The following NME7 variants were observed in gnomAD, a reference collection of about 807,000 sequenced individuals.
The protein encoded by NME7 is NME/NM23 family member 7.
In NME7, 41 loss-of-function variants were observed where a neutral mutation model predicts 49.1. That is an observed-to-expected ratio of 0.83 (90% CI 0.65 to 1.08). The LOEUF is 1.08. Ranked by LOEUF, NME7 falls within the 50% of genes least tolerant of loss-of-function variation. The probability of loss-of-function intolerance (pLI) is 0.00; values close to 1 mark genes in which losing one functional copy is unlikely to be tolerated. For synonymous variants in NME7, 139 were observed against 150.6 expected (o/e 0.92, Z 0.56); for missense variants, 423 against 463.4 (o/e 0.91, Z 0.80).
intron 7 of NME7, among the ~76,000 whole-genome samples, chr1:169,246,220 C>T (rs1295377843): frequency 4.6e-5 from 7 of 152,058 alleles, no homozygotes; most frequent in African/African-American, 1.4e-4. Flanking sequence ...GTGGGAGGAT[C>T]ACTAGGGCTC....
chr1:169,227,234 T>C (rs1647382163), intron 10 of NME7, among the ~76,000 whole-genome samples: 1 of 152,216 alleles, frequency 6.6e-6, no homozygotes, highest in African/African-American at 2.4e-5. Flanking sequence ...TTCCTTGCGC[T>C]GAACATTAGT....
At chr1:169,308,842 T>G (rs2300158) in intron 4 of NME7, among the ~76,000 whole-genome samples, 85,478 of 151,812 alleles carry the variant, frequency 0.56, 24,405 homozygotes, top group Admixed American at 0.6. Flanking sequence ...AAACAGGTTG[T>G]ACTGCTTGTT....
intron 1 of NME7, among the ~76,000 whole-genome samples, chr1:169,354,245 C>T (rs1378561391): frequency 6.6e-6 from 1 of 152,034 alleles, no homozygotes; most frequent in Non-Finnish European, 1.5e-5. Context: ...TTTGCAAAAA[C>T]ATAATGGAAT....
chr1:169,332,176 C>T (rs963376279), intron 1 of NME7, among the ~76,000 whole-genome samples: 5 of 151,902 alleles, frequency 3.3e-5, no homozygotes, highest in Non-Finnish European at 2.9e-5. Context: ...ACACCTACAG[C>T]GAACCCATTT....
intron 7 of NME7, among the ~76,000 whole-genome samples, chr1:169,253,612 G>T (rs921126510): frequency 6.6e-6 from 1 of 152,144 alleles, no homozygotes; most frequent in African/African-American, 2.4e-5. Context: ...GAATAGGAGT[G>T]GTGAGAGAGG....
At chr1:169,334,300 G>C (rs1311783707) in intron 1 of NME7, among the ~76,000 whole-genome samples, 1 of 152,046 alleles carries the variant, frequency 6.6e-6, no homozygotes, top group Non-Finnish European at 1.5e-5. Context: ...CACCTTGAAT[G>C]ACATTATAAT....
intron 10 of NME7, among the ~76,000 whole-genome samples, chr1:169,179,126 C>A (rs1464015290): frequency 6.6e-6 from 1 of 152,108 alleles, no homozygotes; most frequent in African/African-American, 2.4e-5. Flanking sequence ...TGGCCTAAAA[C>A]CTCTTGTATA....
Position 169,323,100 on chromosome 1 carries a change from T to G in NME7, c.278+17A>C. ...AAAGTTAGAGCATGTAAAAAGATTA[T>G]ATAATTGTTTTCTTACTTTTCTTTC... On this transcript the variant is annotated intron_variant, in intron 3 of 11. Coordinates refer to ENST00000367811, the MANE Select transcript of NME7 (RefSeq NM_013330.5). 6.5e-7 allele frequency: 1 copy of G among 1,528,570 alleles called. No homozygotes were observed. Among genetic ancestry groups the G allele is most frequent in the Non-Finnish European group, 8.8e-7 (1 of 1,141,580 alleles). The allele number at this position is 1,528,570 out of a possible 1,614,324, so 94.7% of individuals were successfully genotyped here. A position where few individuals can be genotyped will look rare whatever the true frequency, so the allele number is the denominator to read the frequency against.
chr1:169,332,597 A>C (rs958264908), intron 1 of NME7, among the ~76,000 whole-genome samples: 4 of 152,190 alleles, frequency 2.6e-5, no homozygotes, highest in Non-Finnish European at 4.4e-5. Context: ...TAACCAGAAC[A>C]CCTAAGGAAC....
intron 3 of NME7, among the ~76,000 whole-genome samples, chr1:169,321,793 T>C (rs1651859584): frequency 6.6e-6 from 1 of 152,206 alleles, no homozygotes; most frequent in South Asian, 2.1e-4. Context: ...GGCAATCAGC[T>C]AGTCATTTGA....
chr1:169,228,683 CAAA>C (rs747705690), intron 10 of NME7, among the ~76,000 whole-genome samples: 2 of 90,424 alleles, frequency 2.2e-5, no homozygotes, highest in Non-Finnish European at 4.1e-5. Flanking sequence ...GACTCCGTCT[CAAA>C]AAAAAAAAAA....
intron 11 of NME7, among the ~76,000 whole-genome samples, chr1:169,141,162 G>C (rs1446940558): frequency 1.3e-5 from 2 of 152,066 alleles, no homozygotes; most frequent in African/African-American, 4.8e-5. Flanking sequence ...GAAAACTACT[G>C]TCCTAGATAG....
chr1:169,356,540 G>T (rs940503207), intron 1 of NME7, among the ~76,000 whole-genome samples: 4 of 152,096 alleles, frequency 2.6e-5, no homozygotes, highest in African/African-American at 9.7e-5. Flanking sequence ...ATCTCAGAAG[G>T]CTAAACCAAA....
chr1:169,279,673 G>A (rs943258897), intron 7 of NME7, among the ~76,000 whole-genome samples: 53 of 152,298 alleles, frequency 3.5e-4, no homozygotes, highest in African/African-American at 1.0e-3. Flanking sequence ...GCTTCGGCTC[G>A]CGCATGATGC....
intron 1 of NME7, among the ~76,000 whole-genome samples, chr1:169,355,053 TAATATAC>T (rs1426901791): frequency 1.3e-5 from 1 of 78,584 alleles, no homozygotes; most frequent in African/African-American, 5.2e-5. Flanking sequence ...ATATAATATA[TAATATAC>T]TATATATTAT....
intron 7 of NME7, among the ~76,000 whole-genome samples, chr1:169,253,477 T>A (rs946592331): frequency 2.6e-5 from 4 of 151,702 alleles, no homozygotes; most frequent in African/African-American, 9.7e-5. Context: ...GACAATGGGG[T>A]TTTCTAGATA....
In NME7 at chr1:169,269,852, T is replaced by C. The variant is rs987722116; in HGVS notation, c.754+17451A>G. On this transcript the variant is annotated intron_variant, in intron 7 of 11. Transcript: ENST00000367811. ...TATCTAAACTTTCTTTGAAACATTC[T>C]CCATGAAAATAGAATTATTTTTTAC... 3.1e-4 allele frequency among the ~76,000 whole-genome samples: 41 copies of C among 134,384 alleles called. 3 individuals are homozygous for C. The highest frequency in any genetic ancestry group is 1.0e-3 in the African/African-American group (41 of 39,722). 88.2% of individuals were successfully genotyped at this position (134,384 alleles called of 152,430 possible).
At chr1:169,208,185 A>T (rs751749777) in intron 10 of NME7, among the ~76,000 whole-genome samples, 81 of 152,120 alleles carry the variant, frequency 5.3e-4, no homozygotes, top group Middle Eastern at 3.2e-3. Flanking sequence ...ATATATGTCT[A>T]TTATTGCAAT....
At chr1:169,200,637 A>G (rs1660521070) in intron 10 of NME7, among the ~76,000 whole-genome samples, 1 of 152,148 alleles carries the variant, frequency 6.6e-6, no homozygotes, top group Non-Finnish European at 1.5e-5. Context: ...CCTCAGGGAC[A>G]GGGTCAGACA....
Sources: allele counts gnomAD v4.1 joint callset (sites outside exome capture counted in the v4.1 genomes callset), GRCh38; gene constraint gnomAD v4.1.1; transcripts MANE v1.5; gene names NCBI Gene and HGNC (gene_info 2026-07-23, HGNC 2026-07-21).